PPIP5K2: variants seen among roughly 807,000 people sequenced by gnomAD.
The protein encoded by PPIP5K2 is inositol hexakisphosphate and diphosphoinositol-pentakisphosphate kinase 2.
A neutral mutation model predicts 154.6 loss-of-function variants in PPIP5K2; 105 were observed. That is an observed-to-expected ratio of 0.68 (90% CI 0.58 to 0.80). The LOEUF (loss-of-function observed/expected upper bound fraction) is 0.80. Ranked by LOEUF, PPIP5K2 falls within the 30% of genes least tolerant of loss-of-function variation. The probability of loss-of-function intolerance (pLI) is 0.00; values close to 1 mark genes in which losing one functional copy is unlikely to be tolerated. For synonymous variants in PPIP5K2, 480 were observed against 490.3 expected (o/e 0.98, Z 0.28); for missense variants, 992 against 1,504.6 (o/e 0.66, Z 5.64).
chr5:103,137,735 A>C (rs1791789302), intron 4 of PPIP5K2, among the ~76,000 whole-genome samples: 1 of 151,926 alleles, frequency 6.6e-6, no homozygotes, highest in Non-Finnish European at 1.5e-5. Context: ...TTTTCACTTT[A>C]TTTTTTTCTA....
intron 1 of PPIP5K2, among the ~76,000 whole-genome samples, chr5:103,127,933 CTGT>C (rs35702000): frequency 0.19 from 28,637 of 151,082 alleles, 2,861 homozygotes; most frequent in Middle Eastern, 0.26. Flanking sequence ...TGGAAACTTT[CTGT>C]TGTTGTTGTT....
intron 28 of PPIP5K2, among the ~76,000 whole-genome samples, chr5:103,189,780 CCTTCAATATTTA>C (rs1158007011): frequency 6.6e-6 from 1 of 151,982 alleles, no homozygotes; most frequent in Non-Finnish European, 1.5e-5. Flanking sequence ...GTCAATATTT[CCTTCAATATTTA>C]AATGAATCAA....
At position 103,204,549 on chromosome 5, in the gene PPIP5K2, ATCTT is replaced by A. The variant is rs1292594142; in HGVS notation, c.*2919_*2922del. ...AGCCTTGAACTCCTGGGCTCAAGAA[ATCTT>A]TCTGCTTCAGCCTCCTAAATAGCTG... On this transcript the variant is annotated 3_prime_UTR_variant, in exon 31 of 31. Transcript: ENST00000358359. The A allele has an allele frequency of 2.6e-5, 4 of 152,172 alleles. No individual in the cohort carries two copies. The highest frequency in any genetic ancestry group is 7.2e-5 in the African/African-American group (3 of 41,442). The allele number at this position is 152,172 out of a possible 1,614,324, so 9.4% of individuals were successfully genotyped here. A position where few individuals can be genotyped will look rare whatever the true frequency, so the allele number is the denominator to read the frequency against.
intron 3 of PPIP5K2, 34 bp downstream of exon 3, chr5:103,133,682 C>T (rs782361457): frequency 2.0e-6 from 3 of 1,483,830 alleles, no homozygotes; most frequent in East Asian, 2.4e-5. Context: ...ACTCCTTTAT[C>T]CTCTCTGTTT....
chr5:103,132,439 G>C (rs1212717444), intron 2 of PPIP5K2, among the ~76,000 whole-genome samples: 4 of 152,018 alleles, frequency 2.6e-5, no homozygotes, highest in African/African-American at 9.7e-5. Flanking sequence ...CCAGCTACTT[G>C]GGAGGCTGAG....
intron 2 of PPIP5K2, among the ~76,000 whole-genome samples, chr5:103,131,571 G>A (rs1790622984): frequency 6.6e-6 from 1 of 152,022 alleles, no homozygotes; most frequent in Admixed American, 6.5e-5. Context: ...TTAAGGACAG[G>A]TAATTCTGTA....
intron 20 of PPIP5K2, 58 bp from the exon 21 acceptor site, chr5:103,173,800 A>G (rs1798317822): frequency 9.1e-7 from 1 of 1,099,488 alleles, no homozygotes; most frequent in South Asian, 1.4e-5. Context: ...TAATTTCAAT[A>G]TTTAGTGAGT....
In PPIP5K2 at chr5:103,183,261, C is replaced by T; in HGVS notation, c.2950C>T (p.Pro984Ser). 7.2e-7 allele frequency: 1 copy of T among 1,393,890 alleles called. No individual in the cohort carries two copies. Among genetic ancestry groups the T allele is most frequent in the Non-Finnish European group, 9.4e-7 (1 of 1,061,684 alleles). The allele number at this position is 1,393,890 out of a possible 1,614,324, so 86.3% of individuals were successfully genotyped here. A position where few individuals can be genotyped will look rare whatever the true frequency, so the allele number is the denominator to read the frequency against. The part of the protein sequence containing the change: ...DEESPLSVSS[P>S]EGTGTWLHYT... ...AGAGAGCCCCCTGAGTGTGTCTAGC[C>T]CAGAGGGTACTGGTACCTGGCTGCA... Residue 984 changes from proline to serine, a missense_variant, in exon 25 of 31, where the codon CCA becomes TCA. Pro to Ser is a moderately conservative substitution (Grantham distance 74, BLOSUM62 -1). This residue lies in a region of PPIP5K2 where 204 missense variants were observed against 224.0 expected (regional missense o/e 0.91). Coordinates refer to ENST00000358359, the MANE Select transcript of PPIP5K2 (RefSeq NM_001276277.3).
chr5:103,206,650 G>A lies in PPIP5K2; in HGVS notation c.*5016G>A, dbSNP rs1445944811. 2.0e-5 allele frequency: 3 copies of A among 152,174 alleles called. No homozygotes were observed. The highest frequency in any genetic ancestry group is 7.2e-5 in the African/African-American group (3 of 41,444). 9.4% of individuals were successfully genotyped at this position (152,174 alleles called of 1,614,324 possible). A position where few individuals can be genotyped will look rare whatever the true frequency, so the allele number is the denominator to read the frequency against. On this transcript the variant is annotated 3_prime_UTR_variant, in exon 31 of 31. Coordinates refer to ENST00000358359, the MANE Select transcript of PPIP5K2 (RefSeq NM_001276277.3). Reference sequence around the variant, plus strand: ...TGTGAAGTGTTGAGAGTCAGTTAAGGTAAGTAGCTGAAATGAAAATAACAA... The same window carrying A: ...TGTGAAGTGTTGAGAGTCAGTTAAGATAAGTAGCTGAAATGAAAATAACAA...
At chr5:103,157,110 C>T (rs1352621446) in intron 14 of PPIP5K2, among the ~76,000 whole-genome samples, 3 of 152,102 alleles carry the variant, frequency 2.0e-5, no homozygotes, top group Non-Finnish European at 4.4e-5. Flanking sequence ...GAACCGCTAA[C>T]TTGCTGCAGG....
chr5:103,158,193 C>G lies in PPIP5K2; in HGVS notation c.1495C>G (p.Arg499Gly), dbSNP rs782404128. 3 of 1,612,738 alleles carry G rather than the reference C, an allele frequency of 1.9e-6. No individual in the cohort carries two copies. Among genetic ancestry groups the G allele is most frequent in the East Asian group, 2.2e-5 (1 of 44,850 alleles). Residue 499 changes from arginine (R) to glycine (G), a missense_variant, in exon 15 of 31, where the codon CGA becomes GGA. By Grantham distance (125) the Arg-to-Gly change is moderately radical. This residue lies in a region of PPIP5K2 where 163 missense variants were observed against 285.2 expected (regional missense o/e 0.57). Coordinates refer to ENST00000358359, the MANE Select transcript of PPIP5K2 (RefSeq NM_001276277.3). ...TTCATTCATATGTGTCATAGACAGC[C>G]GAAGAGAAGAACCATCTTTACTTTT... ...PKTSSEEEDS[R>G]REEPSLLLVL...
chr5:103,172,638 GATT>G (rs1554219842), intron 19 of PPIP5K2, among the ~76,000 whole-genome samples: 2 of 151,458 alleles, frequency 1.3e-5, no homozygotes, highest in African/African-American at 2.4e-5. Context: ...AACTCATAAT[GATT>G]ATGTCATTAA....
chr5:103,126,297 A>G (rs1199059307), intron 1 of PPIP5K2, among the ~76,000 whole-genome samples: 1 of 152,226 alleles, frequency 6.6e-6, no homozygotes, highest in Non-Finnish European at 1.5e-5. Context: ...TATATACTTC[A>G]TACAGCATTA....
intron 24 of PPIP5K2, among the ~76,000 whole-genome samples, chr5:103,181,265 G>A (rs1799494271): frequency 6.6e-6 from 1 of 152,002 alleles, no homozygotes; most frequent in Admixed American, 6.6e-5. Context: ...AAATGCTCTA[G>A]TAAAAGTATA....
At chr5:103,170,203 C>A (rs1797766559) in intron 19 of PPIP5K2, among the ~76,000 whole-genome samples, 1 of 151,586 alleles carries the variant, frequency 6.6e-6, no homozygotes, top group African/African-American at 2.4e-5. Context: ...AGACATTTCT[C>A]ACCATGTCCT....
At chr5:103,128,774 T>C (rs1453046078) in intron 1 of PPIP5K2, among the ~76,000 whole-genome samples, 2 of 152,224 alleles carry the variant, frequency 1.3e-5, no homozygotes, top group African/African-American at 2.4e-5. Flanking sequence ...AATCTTGTTC[T>C]GACTCTAATC....
At chr5:103,141,567 G>A (rs1792662101) in intron 5 of PPIP5K2, among the ~76,000 whole-genome samples, 2 of 152,112 alleles carry the variant, frequency 1.3e-5, no homozygotes, top group African/African-American at 4.8e-5. Flanking sequence ...GGCACTGATG[G>A]GTGCGTTTAC....
intron 4 of PPIP5K2, among the ~76,000 whole-genome samples, chr5:103,138,100 A>T (rs1002570867): frequency 1.3e-5 from 2 of 152,144 alleles, no homozygotes; most frequent in Non-Finnish European, 2.9e-5. Flanking sequence ...AACTTTATTC[A>T]GCCATTTTTA....
At chr5:103,181,800 T>G (rs1056617243) in intron 24 of PPIP5K2, among the ~76,000 whole-genome samples, 3 of 152,108 alleles carry the variant, frequency 2.0e-5, no homozygotes, top group African/African-American at 7.2e-5. Context: ...CAAATATATG[T>G]GTTTTATGAT....
Sources: allele counts gnomAD v4.1 joint callset (sites outside exome capture counted in the v4.1 genomes callset), GRCh38; gene constraint gnomAD v4.1.1; regional missense constraint gnomAD v4.1.1; transcripts MANE v1.5; gene names NCBI Gene and HGNC (gene_info 2026-07-23, HGNC 2026-07-21).